The following EXOSC9 variants were observed in gnomAD, a reference collection of about 807,000 sequenced individuals.
The protein encoded by EXOSC9 is exosome component 9.
A neutral mutation model predicts 56.5 loss-of-function variants in EXOSC9; 38 were observed. That is an observed-to-expected ratio of 0.67 (90% CI 0.52 to 0.88). EXOSC9 has a LOEUF of 0.88. EXOSC9 is among the 40% of genes least tolerant of loss of function. The pLI, the probability that EXOSC9 is intolerant of heterozygous loss-of-function variation, is 0.00. For synonymous variants in EXOSC9, 170 were observed against 170.8 expected (o/e 0.99, Z 0.04); for missense variants, 559 against 530.5 (o/e 1.05, Z -0.53).
chr4:121,809,231 G>A (rs1452461626), intron 6 of EXOSC9, among the ~76,000 whole-genome samples: 1 of 151,220 alleles, frequency 6.6e-6, no homozygotes, highest in Non-Finnish European at 1.5e-5. Flanking sequence ...AAGTGATCTT[G>A]CAGTCCTGAC....
In EXOSC9 at chr4:121,801,412, G is replaced by T; in HGVS notation, c.-13G>T. On this transcript the variant is annotated 5_prime_UTR_variant, in exon 1 of 12. Transcript: ENST00000243498. ...GCGGATTCTGGTGCCTGTGGGGCCG[G>T]TGACCCAACACCATGAAGGAAACGC... 6.2e-7 allele frequency: 1 copy of T among 1,613,348 alleles called. No individual in the cohort carries two copies. Among genetic ancestry groups the T allele is most frequent in the Non-Finnish European group, 8.5e-7 (1 of 1,179,258 alleles).
chr4:121,804,695 C>G lies in EXOSC9; in HGVS notation c.458C>G (p.Ala153Gly), dbSNP rs755358591. Reference sequence around the variant, plus strand: ...ATTATTGATGCTGCCAGCATTGCTGCAATCGTGGCCTTATGTCATTTCCGA... The same window carrying G: ...ATTATTGATGCTGCCAGCATTGCTGGAATCGTGGCCTTATGTCATTTCCGA... Reference protein sequence around the residue: ...GNIIDAASIAAIVALCHFRRP... With the variant: ...GNIIDAASIAGIVALCHFRRP... The change falls in exon 5 of 12, where the codon GCA becomes GGA. Residue 153 changes from alanine to glycine, a missense_variant. Coordinates refer to ENST00000243498, the MANE Select transcript of EXOSC9 (RefSeq NM_005033.3). 1.9e-5 allele frequency: 30 copies of G among 1,611,552 alleles called. No homozygotes were observed. In the South Asian group the frequency reaches 3.0e-4, roughly 16 times the overall value.
chr4:121,815,327 A>C (rs903732247), intron 10 of EXOSC9: 10 of 967,146 alleles, frequency 1.0e-5, no homozygotes, highest in Non-Finnish European at 1.1e-5. Context: ...GCACTTGCAT[A>C]TACCTCTTAT....
At position 121,816,382 on chromosome 4, in the gene EXOSC9, ACT is replaced by A. The variant is rs763457015; in HGVS notation, c.1174_1175del (p.Ser392ArgfsTer2). The A allele has an allele frequency of 1.3e-6, 2 of 1,541,990 alleles. No individual in the cohort carries two copies. Among genetic ancestry groups the A allele is most frequent in the Non-Finnish European group, 8.7e-7 (1 of 1,143,752 alleles). On this transcript the variant is annotated frameshift_variant, in exon 11 of 12. Coordinates refer to ENST00000243498, the MANE Select transcript of EXOSC9 (RefSeq NM_005033.3). LOFTEE classifies it high-confidence loss of function. ...AAAAAAACAAAGATGCTCCCATAAT[ACT>A]CTCAGATAGTGAAGAAGAAGAAATG... The part of the protein sequence containing the change: ...DIGSQDAPII[L>X]SDSEEEEMII...
chr4:121,813,686 CTGAGT>C (rs1219049049), intron 9 of EXOSC9, 175 bp from the exon 10 acceptor site: 1 of 529,074 alleles, frequency 1.9e-6, no homozygotes, highest in Non-Finnish European at 3.3e-6. Context: ...AAAATCTTGC[CTGAGT>C]TTTTTTTCTT....
At chr4:121,808,053 A>G (rs948363049) in intron 6 of EXOSC9, among the ~76,000 whole-genome samples, 2 of 152,176 alleles carry the variant, frequency 1.3e-5, no homozygotes, top group Non-Finnish European at 2.9e-5. Context: ...GGGATGGTTC[A>G]CAGACTGGAG....
chr4:121,815,618 A>G (rs1243891750), intron 10 of EXOSC9: 1 of 985,340 alleles, frequency 1.0e-6, no homozygotes, highest in Non-Finnish European at 1.2e-6. Flanking sequence ...CAGCCCTGAC[A>G]GTAATACAAA....
intron 11 of EXOSC9, 104 bp from the exon 12 acceptor site, chr4:121,816,668 C>A: frequency 8.5e-7 from 1 of 1,182,766 alleles, no homozygotes; most frequent in Non-Finnish European, 1.2e-6. Context: ...TTACTCATAG[C>A]TGACACATTT....
At position 121,811,591 on chromosome 4, in the gene EXOSC9, A is replaced by ATGC. The variant is rs1727213868; in HGVS notation, c.748_750dup (p.Cys250dup). ...TTCACTTTTATAAATAGGTTCTGAG[A>ATGC]TGCAGTAAAATCGCTGGTGTGAAAG... On this transcript the variant is annotated inframe_insertion, in exon 8 of 12. Coordinates refer to ENST00000243498, the MANE Select transcript of EXOSC9 (RefSeq NM_005033.3). 1.3e-6 allele frequency: 2 copies of ATGC among 1,573,764 alleles called. No homozygotes were observed. The highest frequency in any genetic ancestry group is 4.5e-5 in the East Asian group (2 of 43,970).
Position 121,801,909 on chromosome 4 carries a change from T to G in EXOSC9, c.149T>G (p.Leu50Arg). 1 of 1,611,676 alleles carries G rather than the reference T, an allele frequency of 6.2e-7. No individual in the cohort carries two copies. Among genetic ancestry groups the G allele is most frequent in the Admixed American group, 1.7e-5 (1 of 60,004 alleles). Reference sequence around the variant, plus strand: ...GATTACGGATGCTGCATTGTGGAACTTGGAAAAACAAGGTAACAGGATTTA... The same window carrying G: ...GATTACGGATGCTGCATTGTGGAACGTGGAAAAACAAGGTAACAGGATTTA... ...GTDYGCCIVE[L>R]GKTRVLGQVS... Residue 50 changes from leucine (L) to arginine (R), a missense_variant, in exon 2 of 12, where the codon CTT (leucine) becomes CGT (arginine). Transcript: ENST00000243498.
At chr4:121,813,798 T>A in intron 9 of EXOSC9, 68 bp from the exon 10 acceptor site, 1 of 1,195,102 alleles carries the variant, frequency 8.4e-7, no homozygotes, top group Non-Finnish European at 1.2e-6. Flanking sequence ...AAGAAAACTT[T>A]CATTCTCATC....
Position 121,816,356 on chromosome 4 carries a change from T to TAAAAAAAA in EXOSC9, c.1157-6_1157-5insAAAAAAAA. The TAAAAAAAA allele has an allele frequency of 7.2e-7, 1 of 1,382,230 alleles. No homozygotes were observed. Among genetic ancestry groups the TAAAAAAAA allele is most frequent in the South Asian group, 1.4e-5 (1 of 69,318 alleles). The allele number at this position is 1,382,230 out of a possible 1,614,324, so 85.6% of individuals were successfully genotyped here. ...ACTTTTTTTTTTTTTTTTAAATTAA[T>TAAAAAAAA]AAAAAAACAAAGATGCTCCCATAAT... On this transcript the variant is annotated splice_polypyrimidine_tract_variant and intron_variant, in intron 10 of 11. Coordinates refer to ENST00000243498, the MANE Select transcript of EXOSC9 (RefSeq NM_005033.3).
chr4:121,802,032 T>C, intron 2 of EXOSC9, 111 bp downstream of exon 2: 1 of 762,002 alleles, frequency 1.3e-6, no homozygotes. Context: ...ATTCTTTGTT[T>C]AGCTGACAAA....
In EXOSC9 at chr4:121,804,494, A is replaced by G. The variant is rs140395123; in HGVS notation, c.385-128A>G. On this transcript the variant is annotated intron_variant, in intron 4 of 11. Transcript: ENST00000243498. ...TTCTAAAATATATTTTTTGTTGACAAAGTACAAGGAGTAACTGCGTGTTTT... is the reference window on the plus strand; with the variant it reads ...TTCTAAAATATATTTTTTGTTGACAGAGTACAAGGAGTAACTGCGTGTTTT... 1.4e-3 allele frequency: 736 copies of G among 529,400 alleles called. 1 individual carries two copies. The highest frequency in any genetic ancestry group is 3.1e-3 in the Admixed American group (85 of 27,544). The allele number at this position is 529,400 out of a possible 1,614,324, so 32.8% of individuals were successfully genotyped here. A position where few individuals can be genotyped will look rare whatever the true frequency, so the allele number is the denominator to read the frequency against.
chr4:121,816,065 C>T, intron 10 of EXOSC9: 2 of 779,122 alleles, frequency 2.6e-6, no homozygotes, highest in South Asian at 5.2e-5. Flanking sequence ...TCAAGCGATT[C>T]TCATGCCTCA....
intron 2 of EXOSC9, 145 bp from the exon 3 acceptor site, chr4:121,802,529 C>A: frequency 1.4e-6 from 1 of 694,854 alleles, no homozygotes; most frequent in Non-Finnish European, 2.4e-6. Flanking sequence ...GTATATTATA[C>A]TTTACATATA....
intron 6 of EXOSC9, chr4:121,807,934 TG>T (rs1727073647): frequency 3.3e-6 from 1 of 307,094 alleles, no homozygotes; most frequent in Admixed American, 4.9e-5. Flanking sequence ...GAGAATTATA[TG>T]CTAGGCTCTA....
intron 10 of EXOSC9, chr4:121,814,376 T>A (rs1724395684): frequency 6.3e-6 from 1 of 159,278 alleles, no homozygotes; most frequent in Admixed American, 6.3e-5. Context: ...CTTTGTAGAG[T>A]AGTGGAACAC....
intron 7 of EXOSC9, 104 bp from the exon 8 acceptor site, chr4:121,811,479 C>A: frequency 1.7e-6 from 1 of 584,926 alleles, no homozygotes; most frequent in Non-Finnish European, 2.9e-6. Context: ...TTGGAAAAGT[C>A]AGGCTTAAAT....
Sources: gnomAD v4.1 joint callset for allele counts (sites outside exome capture counted in the v4.1 genomes callset) on GRCh38, gnomAD v4.1.1 for gene constraint, MANE v1.5 for transcripts, NCBI Gene and HGNC (gene_info 2026-07-23, HGNC 2026-07-21) for gene names.